The following PUM1 variants were observed in gnomAD, a reference collection of about 807,000 sequenced individuals.
PUM1 encodes pumilio RNA binding family member 1.
In PUM1, 13 loss-of-function variants were observed where a neutral mutation model predicts 131.8. The observed-to-expected ratio is 0.10, with a 90% CI of 0.06 to 0.16. The LOEUF is 0.16. Ranked by LOEUF, PUM1 falls within the 10% of genes least tolerant of loss-of-function variation. The probability of loss-of-function intolerance (pLI) is 1.00; values close to 1 mark genes in which losing one functional copy is unlikely to be tolerated. For missense variants in PUM1, 961 were observed against 1,512.4 expected, an observed-to-expected ratio of 0.64 and a Z score of 6.05; for synonymous variants, 509 against 556.5, an observed-to-expected ratio of 0.91 and a Z score of 1.20.
At chr1:31,026,527 TAAAG>T (rs1000815799) in intron 3 of PUM1, among the ~76,000 whole-genome samples, 1 of 152,210 alleles carries the variant, frequency 6.6e-6, no homozygotes, top group Non-Finnish European at 1.5e-5. Flanking sequence ...CTTAACTAGC[TAAAG>T]AAAGAACTCC....
chr1:30,980,192 C>T, intron 8 of PUM1, 29 bp from the exon 9 acceptor site: 1 of 1,570,124 alleles, frequency 6.4e-7, no homozygotes, highest in East Asian at 2.2e-5. Flanking sequence ...TCAGTAAAAA[C>T]AAACTTGACT....
intron 1 of PUM1, among the ~76,000 whole-genome samples, chr1:31,062,559 G>T (rs1315109636): frequency 2.0e-5 from 3 of 150,656 alleles, no homozygotes; most frequent in African/African-American, 7.3e-5. Context: ...GGCGGAGGTT[G>T]CAGTGAGCCG....
intron 14 of PUM1, among the ~76,000 whole-genome samples, chr1:30,955,096 A>C (rs936998663): frequency 7.9e-5 from 12 of 151,888 alleles, no homozygotes; most frequent in African/African-American, 2.9e-4. Context: ...CAAACAAAAA[A>C]AAACAAAAAC....
At chr1:30,937,925 T>C (rs1639282454) in intron 20 of PUM1, among the ~76,000 whole-genome samples, 1 of 151,968 alleles carries the variant, frequency 6.6e-6, no homozygotes, top group Non-Finnish European at 1.5e-5. Context: ...ATGTCCGCCA[T>C]GACACCGGGC....
At chr1:31,038,972 A>ATTTTTTTTTTTTTTTTTTTTTTTTTTTT (rs1557599132) in intron 2 of PUM1, among the ~76,000 whole-genome samples, 2 of 30,100 alleles carry the variant, frequency 6.6e-5, no homozygotes, top group African/African-American at 5.7e-4. Context: ...ATATATATAT[A>ATTTTTTTTTTTTTTTTTTTTTTTTTTTT]TATATATATA....
At chr1:31,036,945 A>C (rs552957702) in intron 2 of PUM1, 1 of 164,516 alleles carries the variant, frequency 6.1e-6, no homozygotes, top group African/African-American at 2.4e-5. Flanking sequence ...ATATGAGAGA[A>C]GGTAAAGATA....
chr1:30,990,401 G>C (rs1458490447), intron 7 of PUM1, among the ~76,000 whole-genome samples: 1 of 152,160 alleles, frequency 6.6e-6, no homozygotes, highest in East Asian at 1.9e-4. Context: ...CAGCTTTTTG[G>C]TTTGGAGACT....
At chr1:31,041,087 G>C (rs911217841) in intron 2 of PUM1, among the ~76,000 whole-genome samples, 3 of 151,974 alleles carry the variant, frequency 2.0e-5, no homozygotes, top group African/African-American at 7.3e-5. Context: ...AGAAACAGGA[G>C]GCAGAAATCT....
At chr1:30,966,299 C>T (rs376619689) in intron 12 of PUM1, 21 bp from the exon 13 acceptor site, 214 of 1,550,350 alleles carry the variant, frequency 1.4e-4, no homozygotes, top group Non-Finnish European at 1.7e-4. Flanking sequence ...GAAAGCAAAC[C>T]GTTTGGCTAT....
intron 2 of PUM1, among the ~76,000 whole-genome samples, chr1:31,040,987 C>A (rs1231797659): frequency 1.3e-5 from 2 of 152,092 alleles, no homozygotes; most frequent in Non-Finnish European, 1.5e-5. Flanking sequence ...TGCAGGAAAG[C>A]CAGTGAGAAG....
chr1:31,046,499 T>G (rs1380940985), intron 2 of PUM1, among the ~76,000 whole-genome samples: 7 of 129,184 alleles, frequency 5.4e-5, no homozygotes, highest in South Asian at 2.5e-4. Flanking sequence ...GTTTTTTTTT[T>G]TTGTTTTTTT....
intron 2 of PUM1, among the ~76,000 whole-genome samples, chr1:31,030,341 A>G (rs983926889): frequency 6.6e-5 from 10 of 152,270 alleles, no homozygotes; most frequent in Non-Finnish European, 1.2e-4. Context: ...GTCTGTTTAC[A>G]ATTTCTACCA....
chr1:31,015,743 A>C lies in PUM1; in HGVS notation c.433-8641T>G, dbSNP rs182068276. 1.5e-3 allele frequency among the ~76,000 whole-genome samples: 210 copies of C among 139,208 alleles called. 1 individual carries two copies. Among genetic ancestry groups the C allele is most frequent in the East Asian group, 8.5e-4 (4 of 4,694 alleles). The allele number at this position is 139,208 out of a possible 152,430, so 91.3% of individuals were successfully genotyped here. On this transcript the variant is annotated intron_variant, in intron 3 of 21. Coordinates refer to ENST00000426105, the MANE Select transcript of PUM1 (RefSeq NM_001020658.2). ...GGCTGGAGTGCAATGATGCGATCTC[A>C]GCTCACCGCAACCTCCGCCTCCTGG...
chr1:31,029,530 T>A (rs1314238295), intron 2 of PUM1, among the ~76,000 whole-genome samples: 1 of 152,230 alleles, frequency 6.6e-6, no homozygotes, highest in Admixed American at 6.5e-5. Context: ...TCCAAAGCCA[T>A]TCCTACAAGG....
At chr1:30,980,900 A>T (rs1327844316) in intron 8 of PUM1, among the ~76,000 whole-genome samples, 1 of 152,182 alleles carries the variant, frequency 6.6e-6, no homozygotes, top group East Asian at 1.9e-4. Context: ...ATACTTTTAA[A>T]TTTTTTCAAT....
intron 7 of PUM1, among the ~76,000 whole-genome samples, chr1:30,985,191 G>A (rs1247998220): frequency 1.3e-5 from 2 of 152,166 alleles, no homozygotes; most frequent in East Asian, 1.9e-4. Flanking sequence ...ATTAACACAT[G>A]TAAAGATTTA....
chr1:31,065,342 G>A (rs1319387618), intron 1 of PUM1, among the ~76,000 whole-genome samples: 1 of 152,084 alleles, frequency 6.6e-6, no homozygotes, highest in Non-Finnish European at 1.5e-5. Context: ...GTAGAGGCAC[G>A]TCTACGCCCT....
At position 31,038,984 on chromosome 1, in the gene PUM1, A is replaced by ATTTTTTTTTTTTTTTTTT. The variant is rs35507851; in HGVS notation, c.364-10121_364-10120insAAAAAAAAAAAAAAAAAA. The stretch of plus-strand genomic sequence containing the variant: ...TATATATATATATATATATATATAT[A>ATTTTTTTTTTTTTTTTTT]TTTTTTTTTTTTTTTTCCTTTTCTC... On this transcript the variant is annotated intron_variant, in intron 2 of 21. Transcript: ENST00000426105. Among the ~76,000 whole-genome samples the ATTTTTTTTTTTTTTTTTT allele has an allele frequency of 6.1e-5, 3 of 49,422 alleles. No individual in the cohort carries two copies. In the African/African-American group the frequency reaches 6.2e-4, roughly 10 times the overall value. The allele number at this position is 49,422 out of a possible 152,430, so 32.4% of individuals were successfully genotyped here.
intron 9 of PUM1, among the ~76,000 whole-genome samples, chr1:30,975,349 T>G (rs1285269090): frequency 8.2e-6 from 1 of 122,158 alleles, no homozygotes; most frequent in Non-Finnish European, 1.8e-5. Context: ...TACTGTTTGT[T>G]TTTTTTGTTT....
Sources: gnomAD v4.1 joint callset for allele counts (sites outside exome capture counted in the v4.1 genomes callset) on GRCh38, gnomAD v4.1.1 for gene constraint, MANE v1.5 for transcripts, NCBI Gene and HGNC (gene_info 2026-07-23, HGNC 2026-07-21) for gene names.